The following GTF2F2 variants were observed in gnomAD, a reference collection of about 807,000 sequenced individuals.
GTF2F2 encodes the protein ATP-dependent helicase GTF2F2.
Under a neutral mutation model 42.2 loss-of-function variants are expected in GTF2F2, and 23 were observed. The observed-to-expected ratio is 0.55, with a 90% CI of 0.39 to 0.77. The LOEUF is 0.77. Ranked by LOEUF, GTF2F2 falls within the 30% of genes least tolerant of loss-of-function variation. The pLI is 0.00. For synonymous variants in GTF2F2, 105 were observed against 100.8 expected, an observed-to-expected ratio of 1.04 and a Z score of -0.25; for missense variants, 261 against 287.2, an observed-to-expected ratio of 0.91 and a Z score of 0.66.
At chr13:45,210,733 G>T (rs1873597941) in intron 5 of GTF2F2, among the ~76,000 whole-genome samples, 1 of 152,156 alleles carries the variant, frequency 6.6e-6, no homozygotes. Flanking sequence ...ACAAGATGAG[G>T]TTTAAAATGT....
chr13:45,183,847 CTTCTTTT>C (rs1872280499), intron 4 of GTF2F2, among the ~76,000 whole-genome samples: 1 of 151,934 alleles, frequency 6.6e-6, no homozygotes, highest in African/African-American at 2.4e-5. Context: ...GCATTTACCA[CTTCTTTT>C]TTCTTTTTTT....
intron 1 of GTF2F2, among the ~76,000 whole-genome samples, chr13:45,131,897 CAA>C (rs765260379): frequency 0.063 from 3,348 of 52,994 alleles, 76 homozygotes; most frequent in African/African-American, 0.17. Context: ...GACCCTGTCT[CAA>C]AAAAAAAAAA....
Position 45,153,388 on chromosome 13 carries a change from C to T in GTF2F2, c.304+1557C>T, listed in dbSNP as rs575043835. On this transcript the variant is annotated intron_variant, in intron 4 of 7. Transcript: ENST00000340473. ...GATCTAAAAAATTATTCTTTTTTTT[C>T]TTGGATGTACAGTATAACAGAATGG... is the stretch of plus-strand genomic sequence containing the variant. 8.8e-4 allele frequency among the ~76,000 whole-genome samples: 134 copies of T among 151,646 alleles called. 1 individual carries two copies. Among genetic ancestry groups the T allele is most frequent in the Middle Eastern group, 3.4e-3 (1 of 294 alleles).
intron 4 of GTF2F2, chr13:45,194,520 C>A: frequency 6.2e-7 from 1 of 1,613,900 alleles, no homozygotes; most frequent in Non-Finnish European, 8.5e-7. Context: ...TGTTGTGTTT[C>A]CCTTCATACT....
At chr13:45,253,838 G>A (rs559045644) in intron 6 of GTF2F2, among the ~76,000 whole-genome samples, 1 of 152,330 alleles carries the variant, frequency 6.6e-6, no homozygotes, top group Non-Finnish European at 1.5e-5. Context: ...CACTTTGGGA[G>A]GCCGAGGCAG....
intron 5 of GTF2F2, among the ~76,000 whole-genome samples, chr13:45,240,371 A>G (rs1290119578): frequency 6.6e-6 from 1 of 152,162 alleles, no homozygotes; most frequent in African/African-American, 2.4e-5. Flanking sequence ...CCCCTGGAAT[A>G]TAGATATATA....
chr13:45,277,504 A>G (rs543990550), intron 7 of GTF2F2, among the ~76,000 whole-genome samples: 26 of 152,276 alleles, frequency 1.7e-4, no homozygotes, highest in South Asian at 1.7e-3. Context: ...CCATGATCCA[A>G]TCACCTCTCC....
At chr13:45,199,991 T>C (rs553020988) in intron 4 of GTF2F2, among the ~76,000 whole-genome samples, 9 of 152,282 alleles carry the variant, frequency 5.9e-5, no homozygotes, top group African/African-American at 2.2e-4. Flanking sequence ...AAACTAGGGA[T>C]GGAGAACTCT....
intron 1 of GTF2F2, among the ~76,000 whole-genome samples, chr13:45,128,926 G>T (rs960266026): frequency 1.3e-5 from 2 of 152,062 alleles, no homozygotes; most frequent in East Asian, 3.9e-4. Flanking sequence ...CTTGTATTAG[G>T]TATAATTTGT....
rs901286870 is a variant in GTF2F2, at chr13:45,194,693, G to A, written c.305-12731G>A. On this transcript the variant is annotated intron_variant, in intron 4 of 7. Transcript: ENST00000340473. ...ATGGAATGGAAACGCTGGCAGCATC[G>A]CCTGCGCTGTCAGCTCGGTTTTGCA... 31 of 848,922 alleles carry A rather than the reference G, an allele frequency of 3.7e-5. No individual in the cohort carries two copies. The East Asian group carries it at 4.7e-4, about 13-fold the overall frequency. 52.6% of individuals were successfully genotyped at this position (848,922 alleles called of 1,614,324 possible).
At chr13:45,177,635 C>T (rs1378083302) in intron 4 of GTF2F2, among the ~76,000 whole-genome samples, 1 of 152,030 alleles carries the variant, frequency 6.6e-6, no homozygotes, top group Admixed American at 6.6e-5. Flanking sequence ...ATAATGGCCC[C>T]AAAGTATGAG....
intron 5 of GTF2F2, among the ~76,000 whole-genome samples, chr13:45,233,958 A>G (rs1259955285): frequency 6.6e-6 from 1 of 152,224 alleles, no homozygotes; most frequent in Non-Finnish European, 1.5e-5. Flanking sequence ...TTGGAAAAAA[A>G]TAATATAGGA....
At chr13:45,213,326 G>T (rs953671080) in intron 5 of GTF2F2, among the ~76,000 whole-genome samples, 1 of 151,994 alleles carries the variant, frequency 6.6e-6, no homozygotes, top group Non-Finnish European at 1.5e-5. Flanking sequence ...TGATCCACCC[G>T]CCTCGGCCCC....
At chr13:45,139,656 TCTC>T (rs1418499193) in intron 2 of GTF2F2, among the ~76,000 whole-genome samples, 1 of 152,222 alleles carries the variant, frequency 6.6e-6, no homozygotes, top group Non-Finnish European at 1.5e-5. Context: ...TGTTATTTAT[TCTC>T]CTTCTACTAT....
At chr13:45,261,443 A>AAC (rs774449019) in intron 6 of GTF2F2, among the ~76,000 whole-genome samples, 21,708 of 146,268 alleles carry the variant, frequency 0.15, 2,147 homozygotes, top group Non-Finnish European at 0.21. Context: ...AAAAAAAAAA[A>AAC]AGAATAATTT....
Position 45,191,224 on chromosome 13 carries a change from A to AAAAAAAAATATAT in GTF2F2, c.305-16199_305-16198insAAAAAAATATATA. 1.9e-3 allele frequency among the ~76,000 whole-genome samples: 145 copies of AAAAAAAAATATAT among 75,264 alleles called. 3 individuals carry two copies. The highest frequency in any genetic ancestry group is 0.013 in the African/African-American group (126 of 9,960). 49.4% of individuals were successfully genotyped at this position (75,264 alleles called of 152,430 possible). On this transcript the variant is annotated intron_variant, in intron 4 of 7. Transcript: ENST00000340473. ...GTCTCTACTAAAAATACAAAAAAAA[A>AAAAAAAAATATAT]ATATATATATATATATATATATATA... is the stretch of plus-strand genomic sequence containing the variant.
intron 4 of GTF2F2, among the ~76,000 whole-genome samples, chr13:45,198,507 G>A (rs1873014614): frequency 6.6e-6 from 1 of 152,174 alleles, no homozygotes; most frequent in African/African-American, 2.4e-5. Context: ...CGTTTGATAA[G>A]AACAGGGAGC....
At chr13:45,147,831 G>A (rs1870276338) in intron 2 of GTF2F2, among the ~76,000 whole-genome samples, 1 of 152,120 alleles carries the variant, frequency 6.6e-6, no homozygotes, top group Non-Finnish European at 1.5e-5. Flanking sequence ...TATTCCCTTA[G>A]CCTGGAAATC....
chr13:45,195,657 CCCCTATAACTT>C (rs1872853899), intron 4 of GTF2F2, among the ~76,000 whole-genome samples: 1 of 152,256 alleles, frequency 6.6e-6, no homozygotes, highest in South Asian at 2.1e-4. Flanking sequence ...TTTCCTCTTT[CCCCTATAACTT>C]CCCTTCCAAA....
Sources: allele counts gnomAD v4.1 joint callset (sites outside exome capture counted in the v4.1 genomes callset), GRCh38; gene constraint gnomAD v4.1.1; transcripts MANE v1.5; gene names NCBI Gene and HGNC (gene_info 2026-07-23, HGNC 2026-07-21).